The following MAD1L1 variants were observed in gnomAD, a reference collection of about 807,000 sequenced individuals.
MAD1L1 encodes mitotic spindle assembly checkpoint protein MAD1.
In MAD1L1, 95 loss-of-function variants were observed where a neutral mutation model predicts 96.9. The observed-to-expected ratio is 0.98, with a 90% CI of 0.83 to 1.16. The LOEUF is 1.16. Ranked by LOEUF, MAD1L1 falls within the 50% of genes most tolerant of loss-of-function variation. The pLI, the probability that MAD1L1 is intolerant of heterozygous loss-of-function variation, is 0.00. For missense variants in MAD1L1, 1,007 were observed against 954.4 expected, an observed-to-expected ratio of 1.06 and a Z score of -0.73; for synonymous variants, 473 against 396.6, an observed-to-expected ratio of 1.19 and a Z score of -2.29.
chr7:1,890,837 G>A (rs1403362233), intron 18 of MAD1L1, among the ~76,000 whole-genome samples: 3 of 152,240 alleles, frequency 2.0e-5, no homozygotes, highest in Admixed American at 1.3e-4. Flanking sequence ...CTGTGGTAGA[G>A]GAGTCTGGAC....
intron 18 of MAD1L1, among the ~76,000 whole-genome samples, chr7:1,850,338 A>C (rs1783900969): frequency 6.6e-6 from 1 of 152,032 alleles, no homozygotes; most frequent in Admixed American, 6.5e-5. Flanking sequence ...CGAGGCGCCC[A>C]CCCTGCCTCC....
chr7:2,077,459 A>G (rs966639182), intron 11 of MAD1L1, among the ~76,000 whole-genome samples: 8 of 152,220 alleles, frequency 5.3e-5, no homozygotes, highest in African/African-American at 7.2e-5. Context: ...CTCCAGGGCC[A>G]TGCCTTGAGC....
intron 16 of MAD1L1, chr7:1,940,359 G>A (rs1267670741): frequency 6.6e-6 from 1 of 152,232 alleles, no homozygotes; most frequent in Non-Finnish European, 1.5e-5. Flanking sequence ...AACTCTGGCT[G>A]AATCACAGAC....
intron 12 of MAD1L1, among the ~76,000 whole-genome samples, chr7:2,020,150 C>T (rs545058976): frequency 6.6e-6 from 1 of 152,210 alleles, no homozygotes; most frequent in African/African-American, 2.4e-5. Context: ...ACAGAGGAGC[C>T]GCCCAGGCTG....
intron 11 of MAD1L1, among the ~76,000 whole-genome samples, chr7:2,077,854 C>T (rs1430045807): frequency 2.0e-5 from 3 of 152,192 alleles, no homozygotes; most frequent in Non-Finnish European, 4.4e-5. Flanking sequence ...GTCCTCCAGT[C>T]ACAAGAACTG....
intron 10 of MAD1L1, among the ~76,000 whole-genome samples, chr7:2,188,744 G>A (rs56247048): frequency 0.14 from 21,542 of 152,000 alleles, 1,743 homozygotes; most frequent in Middle Eastern, 0.27. Context: ...AAAAAAACAG[G>A]GGAGAAGGTT....
At chr7:2,189,637 C>A (rs1298333747) in intron 10 of MAD1L1, among the ~76,000 whole-genome samples, 2 of 152,162 alleles carry the variant, frequency 1.3e-5, no homozygotes, top group Non-Finnish European at 2.9e-5. Flanking sequence ...GTCCTAGAGC[C>A]AACGGGGGAG....
At chr7:1,833,131 C>A (rs1782790039) in intron 18 of MAD1L1, among the ~76,000 whole-genome samples, 1 of 152,180 alleles carries the variant, frequency 6.6e-6, no homozygotes. Context: ...TTTTTAAAGA[C>A]ATAATGCTAT....
In MAD1L1 at chr7:1,974,048, C is replaced by T. The variant is rs1387831696; in HGVS notation, c.1505+6405G>A. 2.6e-5 allele frequency among the ~76,000 whole-genome samples: 4 copies of T among 152,222 alleles called. No homozygotes were observed. In the East Asian group the frequency reaches 7.7e-4, roughly 29 times the overall value. On this transcript the variant is annotated intron_variant, in intron 15 of 18. Coordinates refer to ENST00000265854, the MANE Select transcript of MAD1L1 (RefSeq NM_001013836.2). ...GAAGGGCAGGAGCCTGCATGTCACT[C>T]TGCACATCCTGCATAAGATCTCCGG...
Position 1,966,560 on chromosome 7 carries a change from C to CAAAAAAAAAAAAAAAA in MAD1L1, c.1506-8857_1506-8842dup, listed in dbSNP as rs199627043. ...AATGGCTGAAATATCCCAAACTTGGCAAAAAAAAAAAAAAAACAAAAAAAA... is the reference window on the plus strand; with the variant it reads ...AATGGCTGAAATATCCCAAACTTGGCAAAAAAAAAAAAAAAAAAAAAAAAAAAAAAAACAAAAAAAA... On this transcript the variant is annotated intron_variant, in intron 15 of 18. Transcript: ENST00000265854. Among the ~76,000 whole-genome samples the CAAAAAAAAAAAAAAAA allele has an allele frequency of 2.2e-4, 2 of 9,288 alleles. 1 individual carries two copies. The highest frequency in any genetic ancestry group is 6.4e-4 in the Non-Finnish European group (2 of 3,110). 6.1% of individuals were successfully genotyped at this position (9,288 alleles called of 152,430 possible). A position where few individuals can be genotyped will look rare whatever the true frequency, so the allele number is the denominator to read the frequency against.
At chr7:2,154,721 G>A (rs117902952) in intron 10 of MAD1L1, among the ~76,000 whole-genome samples, 7 of 152,296 alleles carry the variant, frequency 4.6e-5, no homozygotes, top group Non-Finnish European at 1.0e-4. Context: ...TGGGTTTAAG[G>A]CAATGGTTTC....
chr7:2,118,732 G>A (rs779530933), intron 11 of MAD1L1, among the ~76,000 whole-genome samples: 15 of 152,240 alleles, frequency 9.9e-5, no homozygotes, highest in East Asian at 1.9e-4. Context: ...GAGCAGGCTC[G>A]GCTCACAGTC....
intron 5 of MAD1L1, among the ~76,000 whole-genome samples, chr7:2,220,103 G>A (rs544348333): frequency 8.5e-5 from 13 of 152,330 alleles, no homozygotes; most frequent in South Asian, 4.1e-4. Flanking sequence ...GTTTGCTAGC[G>A]ACATCGCCCT....
chr7:2,064,063 C>T (rs1584234172), intron 12 of MAD1L1, among the ~76,000 whole-genome samples: 1 of 152,168 alleles, frequency 6.6e-6, no homozygotes, highest in Non-Finnish European at 1.5e-5. Flanking sequence ...GCAAGGAACA[C>T]GCATGTCCTG....
chr7:2,118,652 C>T (rs1009838409), intron 11 of MAD1L1, among the ~76,000 whole-genome samples: 3 of 152,302 alleles, frequency 2.0e-5, no homozygotes, highest in Admixed American at 1.3e-4. Context: ...GGAACAGGGC[C>T]GTCCCTCCCA....
intron 12 of MAD1L1, among the ~76,000 whole-genome samples, chr7:2,032,544 C>G (rs1783275090): frequency 6.6e-6 from 1 of 152,240 alleles, no homozygotes; most frequent in African/African-American, 2.4e-5. Flanking sequence ...CAACTGAAAG[C>G]TCATCTCAGC....
chr7:1,915,328 G>C (rs1341822217), intron 17 of MAD1L1, among the ~76,000 whole-genome samples: 1 of 152,192 alleles, frequency 6.6e-6, no homozygotes, highest in Non-Finnish European at 1.5e-5. Flanking sequence ...ATGGGAGGGG[G>C]AGGGCTGCGG....
intron 11 of MAD1L1, among the ~76,000 whole-genome samples, chr7:2,089,744 G>C (rs111315099): frequency 1.3e-5 from 2 of 149,328 alleles, no homozygotes; most frequent in African/African-American, 4.9e-5. Context: ...ACCCCATCAC[G>C]TGCATCGTGT....
intron 7 of MAD1L1, 44 bp downstream of exon 7, chr7:2,217,918 C>A (rs368613491): frequency 6.5e-7 from 1 of 1,534,350 alleles, no homozygotes; most frequent in Non-Finnish European, 9.0e-7. Context: ...AGAGTCAAGG[C>A]CACCACAGGG....
Sources: allele counts gnomAD v4.1 joint callset (sites outside exome capture counted in the v4.1 genomes callset), GRCh38; gene constraint gnomAD v4.1.1; transcripts MANE v1.5; gene names NCBI Gene and HGNC (gene_info 2026-07-23, HGNC 2026-07-21).